Variants in CAPN10 observed in about 807,000 individuals in gnomAD.
The protein encoded by CAPN10 is calpain 10.
In CAPN10, 71 loss-of-function variants were observed where a neutral mutation model predicts 78.4. The observed-to-expected ratio is 0.91, with a 90% CI of 0.75 to 1.10. The LOEUF is 1.10. CAPN10 is among the 50% of genes least tolerant of loss of function. The pLI, the probability that CAPN10 is intolerant of heterozygous loss-of-function variation, is 0.00. For missense variants in CAPN10, 849 were observed against 924.6 expected (o/e 0.92, Z 1.06); for synonymous variants, 437 against 407.2 (o/e 1.07, Z -0.88).
In CAPN10 at chr2:240,587,029, G is replaced by A. The variant is rs1044160399; in HGVS notation, c.118G>A (p.Asp40Asn). The A allele has an allele frequency of 2.8e-6, 4 of 1,454,198 alleles. No homozygotes were observed. The highest frequency in any genetic ancestry group is 3.0e-5 in the African/African-American group (2 of 67,792). The allele number at this position is 1,454,198 out of a possible 1,614,324, so 90.1% of individuals were successfully genotyped here. A position where few individuals can be genotyped will look rare whatever the true frequency, so the allele number is the denominator to read the frequency against. ...LSTPLAQFRE[D>N]ITWRRPQEIC... ...TACGCCGCTGGCCCAGTTCCGCGAG[G>A]ACATCACGTGGAGGCGGCCCCAGGT... The change falls in exon 1 of 12, where the codon GAC becomes AAC. Residue 40 changes from aspartate (D) to asparagine (N), a missense_variant. By Grantham distance (23) the Asp-to-Asn change is conservative. Transcript: ENST00000391984.
Position 240,591,970 on chromosome 2 carries a change from G to A in CAPN10, c.508G>A (p.Val170Met). 1 of 1,613,592 alleles carries A rather than the reference G, an allele frequency of 6.2e-7. No homozygotes were observed. Among genetic ancestry groups the A allele is most frequent in the Non-Finnish European group, 8.5e-7 (1 of 1,180,008 alleles). ...GSYEHLWAGQ[V>M]ADALVDLTGG... The stretch of plus-strand genomic sequence containing the variant: ...CTACGAGCACCTGTGGGCCGGGCAG[G>A]TGGCGGATGCCCTGGTGGACCTGAC... The change falls in exon 4 of 12, where the codon GTG (valine) becomes ATG (methionine). Residue 170 changes from valine to methionine, a missense_variant. By Grantham distance (21) the Val-to-Met change is conservative. Coordinates refer to ENST00000391984, the MANE Select transcript of CAPN10 (RefSeq NM_023083.4).
chr2:240,598,314 G>C, intron 10 of CAPN10, 38 bp from the exon 11 acceptor site: 1 of 1,611,610 alleles, frequency 6.2e-7, no homozygotes, highest in Non-Finnish European at 8.5e-7. Flanking sequence ...TGTGTGACAA[G>C]TGCAGTCTGG....
intron 3 of CAPN10, 96 bp from the exon 4 acceptor site, chr2:240,591,837 C>T (rs2093103560): frequency 1.1e-5 from 12 of 1,062,486 alleles, no homozygotes; most frequent in East Asian, 2.5e-5. Context: ...ATTGAGGCAG[C>T]GGTTGGACGA....
intron 9 of CAPN10, among the ~76,000 whole-genome samples, chr2:240,597,649 T>C (rs1042895202): frequency 6.6e-6 from 1 of 151,886 alleles, no homozygotes; most frequent in Non-Finnish European, 1.5e-5. Flanking sequence ...CAGTCACAGG[T>C]GTTAAAGCCC....
At position 240,587,006 on chromosome 2, in the gene CAPN10, C is replaced by A. The variant is rs557342363; in HGVS notation, c.95C>A (p.Thr32Lys). Residue 32 changes from threonine (T) to lysine (K), a missense_variant, in exon 1 of 12, where the codon ACG becomes AAG. Thr to Lys is a moderately conservative substitution (Grantham distance 78). Transcript: ENST00000391984. ...TCCTCGCTCTTCTGCGACTTGTCTA[C>A]GCCGCTGGCCCAGTTCCGCGAGGAC... ...ADSSLFCDLS[T>K]PLAQFREDIT... 1 of 1,481,732 alleles carries A rather than the reference C, an allele frequency of 6.7e-7. No individual in the cohort carries two copies. The highest frequency in any genetic ancestry group is 2.4e-5 in the Admixed American group (1 of 41,898). The allele number at this position is 1,481,732 out of a possible 1,614,324, so 91.8% of individuals were successfully genotyped here.
At position 240,593,995 on chromosome 2, in the gene CAPN10, C is replaced by T. The variant is rs745718891; in HGVS notation, c.778C>T (p.Arg260Trp). 5.0e-6 allele frequency: 8 copies of T among 1,610,908 alleles called. No individual in the cohort carries two copies. The highest frequency in any genetic ancestry group is 1.3e-5 in the African/African-American group (1 of 74,870). Residue 260 changes from arginine (R) to tryptophan (W), a missense_variant, in exon 5 of 12, where the codon CGG becomes TGG. Arg to Trp is a moderately radical substitution (Grantham distance 101, BLOSUM62 -3). Transcript: ENST00000391984. ...GGCGGGCCAGTGCATCCTGCTGCTG[C>T]GGATCCAGAACCCCTGGGGCCGGCG... ...GQAGQCILLL[R>W]IQNPWGRRCW...
At chr2:240,593,604 G>A (rs1426418639) in intron 4 of CAPN10, among the ~76,000 whole-genome samples, 1 of 152,240 alleles carries the variant, frequency 6.6e-6, no homozygotes, top group Non-Finnish European at 1.5e-5. Flanking sequence ...GCCAGGCATC[G>A]TGCACAGATG....
At chr2:240,587,670 G>C (rs2093077086) in intron 1 of CAPN10, among the ~76,000 whole-genome samples, 1 of 152,248 alleles carries the variant, frequency 6.6e-6, no homozygotes, top group Admixed American at 6.5e-5. Context: ...TTCGAACAGA[G>C]CTGGAACTTC....
At chr2:240,591,854 G>A in intron 3 of CAPN10, 79 bp from the exon 4 acceptor site, 1 of 1,303,974 alleles carries the variant, frequency 7.7e-7, no homozygotes, top group East Asian at 2.4e-5. Flanking sequence ...ACGATTTGGG[G>A]TGCTACAGAC....
At chr2:240,593,506 C>T (rs1162310006) in intron 4 of CAPN10, among the ~76,000 whole-genome samples, 1 of 152,268 alleles carries the variant, frequency 6.6e-6, no homozygotes, top group African/African-American at 2.4e-5. Flanking sequence ...AATGTCCTAC[C>T]TCTAGCAGGC....
At position 240,587,054 on chromosome 2, in the gene CAPN10, T is replaced by A; in HGVS notation, c.141+2T>A. ...GACATCACGTGGAGGCGGCCCCAGGTGGGGCCGTGTGGGGTGCGGTGGGCG... is the reference window on the plus strand; with the variant it reads ...GACATCACGTGGAGGCGGCCCCAGGAGGGGCCGTGTGGGGTGCGGTGGGCG... On this transcript the variant is annotated splice_donor_variant, in intron 1 of 11. Coordinates refer to ENST00000391984, the MANE Select transcript of CAPN10 (RefSeq NM_023083.4). LOFTEE classifies it high-confidence loss of function. 3.6e-6 allele frequency: 5 copies of A among 1,397,174 alleles called. No homozygotes were observed. The highest frequency in any genetic ancestry group is 4.7e-6 in the Non-Finnish European group (5 of 1,071,300). 86.5% of individuals were successfully genotyped at this position (1,397,174 alleles called of 1,614,324 possible). A position where few individuals can be genotyped will look rare whatever the true frequency, so the allele number is the denominator to read the frequency against.
At position 240,587,014 on chromosome 2, in the gene CAPN10, GC is replaced by G; in HGVS notation, c.106del (p.Gln36SerfsTer30). On this transcript the variant is annotated frameshift_variant, in exon 1 of 12. Transcript: ENST00000391984. LOFTEE classifies it high-confidence loss of function. ...SLFCDLSTPL[A>X]QFREDITWRR... ...CTTCTGCGACTTGTCTACGCCGCTGGCCCAGTTCCGCGAGGACATCACGTGG... is the reference window on the plus strand; with the variant it reads ...CTTCTGCGACTTGTCTACGCCGCTGGCCAGTTCCGCGAGGACATCACGTGG... 1 of 1,467,098 alleles carries G rather than the reference GC, an allele frequency of 6.8e-7. No homozygotes were observed. The highest frequency in any genetic ancestry group is 9.0e-7 in the Non-Finnish European group (1 of 1,106,114). The allele number at this position is 1,467,098 out of a possible 1,614,324, so 90.9% of individuals were successfully genotyped here. A position where few individuals can be genotyped will look rare whatever the true frequency, so the allele number is the denominator to read the frequency against.
intron 7 of CAPN10, chr2:240,595,926 C>A (rs758266676): frequency 1.5e-6 from 2 of 1,334,292 alleles, no homozygotes; most frequent in Non-Finnish European, 2.0e-6. Context: ...TCTTGTGTGT[C>A]TTGACAGGGT....
chr2:240,595,430 C>T (rs926829945), intron 7 of CAPN10, 126 bp downstream of exon 7: 2 of 1,055,116 alleles, frequency 1.9e-6, no homozygotes, highest in African/African-American at 1.6e-5. Context: ...CCAGTCTCCC[C>T]CCTCCTTGGG....
Position 240,596,785 on chromosome 2 carries a change from C to T in CAPN10, c.1586C>T (p.Ala529Val), listed in dbSNP as rs1213163166. Residue 529 changes from alanine to valine, a missense_variant, in exon 9 of 12, where the codon GCG (alanine) becomes GTG (valine). Ala to Val is a moderately conservative substitution (Grantham distance 64, BLOSUM62 0). Coordinates refer to ENST00000391984, the MANE Select transcript of CAPN10 (RefSeq NM_023083.4). ...GGTTCTTGGAGAGTCGGCCAGACGG[C>T]GGGGGGCAGCAGGAACTTTGCCTCA... ...LRGSWRVGQTAGGSRNFASYP... is the reference protein window; with the variant it reads ...LRGSWRVGQTVGGSRNFASYP... 6.8e-6 allele frequency: 11 copies of T among 1,612,396 alleles called. No individual in the cohort carries two copies. The highest frequency in any genetic ancestry group is 1.3e-5 in the African/African-American group (1 of 74,944).
intron 3 of CAPN10, 94 bp from the exon 4 acceptor site, chr2:240,591,839 G>A: frequency 2.7e-6 from 3 of 1,120,624 alleles, no homozygotes; most frequent in Non-Finnish European, 3.9e-6. Flanking sequence ...TGAGGCAGCG[G>A]TTGGACGATT....
chr2:240,589,471 C>G lies in CAPN10; in HGVS notation c.270C>G (p.Asp90Glu). The change falls in exon 2 of 12, where the codon GAC (aspartate) becomes GAG (glutamate). Residue 90 changes from aspartate (D) to glutamate (E), a missense_variant. Coordinates refer to ENST00000391984, the MANE Select transcript of CAPN10 (RefSeq NM_023083.4). ...AALQKSRHLLDQVIPPGQPSW... is the reference protein window; with the variant it reads ...AALQKSRHLLEQVIPPGQPSW... Reference sequence around the variant, plus strand: ...TGCAGAAGAGCAGGCACCTCCTGGACCAGGTGCGGGGCCCCTTCCCTGTGT... The same window carrying G: ...TGCAGAAGAGCAGGCACCTCCTGGAGCAGGTGCGGGGCCCCTTCCCTGTGT... 1.2e-6 allele frequency: 2 copies of G among 1,612,028 alleles called. No individual in the cohort carries two copies. The highest frequency in any genetic ancestry group is 1.7e-6 in the Non-Finnish European group (2 of 1,179,208).
In CAPN10 at chr2:240,596,006, G is replaced by T. The variant is rs2093134128; in HGVS notation, c.1279-313G>T. ...GCCCACATGATGTTCCTTTCCTCTT[G>T]CAAAAGAAGTTGCTGGAAGGCCCAC... On this transcript the variant is annotated intron_variant, in intron 7 of 11. Transcript: ENST00000391984. The T allele has an allele frequency of 2.1e-6, 3 of 1,443,604 alleles. No homozygotes were observed. In the East Asian group the frequency reaches 9.8e-5, roughly 47 times the overall value. The allele number at this position is 1,443,604 out of a possible 1,614,324, so 89.4% of individuals were successfully genotyped here. A position where few individuals can be genotyped will look rare whatever the true frequency, so the allele number is the denominator to read the frequency against.
At position 240,595,269 on chromosome 2, in the gene CAPN10, A is replaced by G. The variant is rs1175141018; in HGVS notation, c.1243A>G (p.Lys415Glu). 1.9e-6 allele frequency: 3 copies of G among 1,613,534 alleles called. No homozygotes were observed. Among genetic ancestry groups the G allele is most frequent in the Non-Finnish European group, 1.7e-6 (2 of 1,180,026 alleles). Residue 415 changes from lysine to glutamate, a missense_variant, in exon 7 of 12, where the codon AAG becomes GAG. Lys to Glu is a moderately conservative substitution (Grantham distance 56, BLOSUM62 1). Transcript: ENST00000391984. ...GTGGAGCCCAGCGAGCATCCCGGGC[A>G]AGCACTACCAGGCTGTGGGTCTGCA... is the stretch of plus-strand genomic sequence containing the variant. ...TSWSPASIPG[K>E]HYQAVGLHLW...
Sources: allele counts gnomAD v4.1 joint callset (sites outside exome capture counted in the v4.1 genomes callset), GRCh38; gene constraint gnomAD v4.1.1; transcripts MANE v1.5; gene names NCBI Gene and HGNC (gene_info 2026-07-23, HGNC 2026-07-21).